The following MAPRE2 variants were observed in gnomAD, a reference collection of about 807,000 sequenced individuals.
The protein encoded by MAPRE2 is microtubule-associated protein RP/EB family member 2.
A neutral mutation model predicts 43.2 loss-of-function variants in MAPRE2; 13 were observed. The ratio of observed to expected loss-of-function variants is 0.30; its 90% CI spans 0.20 to 0.48. MAPRE2 has a LOEUF of 0.48. Among genes scored for constraint, MAPRE2 ranks in the 20% least tolerant of loss-of-function variants. The pLI is 0.99. For synonymous variants in MAPRE2, 135 were observed against 148.8 expected, an observed-to-expected ratio of 0.91 and a Z score of 0.68; for missense variants, 161 against 400.2, an observed-to-expected ratio of 0.40 and a Z score of 5.10.
At chr18:35,032,426 T>C (rs1358043230) in intron 2 of MAPRE2, among the ~76,000 whole-genome samples, 1 of 152,186 alleles carries the variant, frequency 6.6e-6, no homozygotes, top group Non-Finnish European at 1.5e-5. Flanking sequence ...TCATGTCTTC[T>C]CTGCTATCAT....
At chr18:35,050,206 A>G (rs556252433) in intron 1 of MAPRE2, among the ~76,000 whole-genome samples, 6 of 152,292 alleles carry the variant, frequency 3.9e-5, no homozygotes, top group African/African-American at 1.4e-4. Context: ...TGATGTTTCA[A>G]TTAGCCCTTT....
intron 3 of MAPRE2, among the ~76,000 whole-genome samples, chr18:35,099,442 C>T (rs966864173): frequency 1.3e-5 from 2 of 152,024 alleles, no homozygotes; most frequent in African/African-American, 4.8e-5. Context: ...TTGTGAGACC[C>T]CATCTCTACA....
At chr18:35,124,024 G>T (rs557106784) in intron 4 of MAPRE2, among the ~76,000 whole-genome samples, 2 of 152,292 alleles carry the variant, frequency 1.3e-5, no homozygotes, top group African/African-American at 4.8e-5. Context: ...TTGCTCAGAG[G>T]AGGTAGGGGA....
chr18:35,088,869 C>T (rs968989085), intron 2 of MAPRE2, among the ~76,000 whole-genome samples: 1 of 152,076 alleles, frequency 6.6e-6, no homozygotes, highest in African/African-American at 2.4e-5. Flanking sequence ...TGACCTTGAC[C>T]AGAACATGGT....
intron 4 of MAPRE2, among the ~76,000 whole-genome samples, chr18:35,121,593 CA>C (rs1374824930): frequency 3.3e-5 from 5 of 151,938 alleles, no homozygotes; most frequent in African/African-American, 1.2e-4. Context: ...TCCTCAAATG[CA>C]GCTTGAAAAA....
intron 4 of MAPRE2, among the ~76,000 whole-genome samples, chr18:35,114,341 G>A (rs1909313462): frequency 6.6e-6 from 1 of 152,124 alleles, no homozygotes; most frequent in Non-Finnish European, 1.5e-5. Flanking sequence ...GTTGTATTGC[G>A]ATGACATTTT....
chr18:35,091,548 A>G (rs1483733833), intron 2 of MAPRE2, among the ~76,000 whole-genome samples: 1 of 152,238 alleles, frequency 6.6e-6, no homozygotes, highest in Admixed American at 6.5e-5. Context: ...TTCTTCACAG[A>G]AAGAGAAAAA....
At chr18:35,024,238 A>T (rs1392830877) in intron 2 of MAPRE2, among the ~76,000 whole-genome samples, 1 of 152,150 alleles carries the variant, frequency 6.6e-6, no homozygotes, top group Non-Finnish European at 1.5e-5. Flanking sequence ...ATGAGCTGGG[A>T]TTTTTAGCAA....
At chr18:34,978,324 C>G (rs1195136758) in intron 1 of MAPRE2, 2 of 650,510 alleles carry the variant, frequency 3.1e-6, no homozygotes, top group Non-Finnish European at 2.7e-6. Flanking sequence ...CGCTCAAACC[C>G]GCGCCCGCGC....
chr18:35,016,258 A>C (rs552957636), intron 2 of MAPRE2, among the ~76,000 whole-genome samples: 1 of 152,110 alleles, frequency 6.6e-6, no homozygotes, highest in South Asian at 2.1e-4. Flanking sequence ...GCTGCAGTGA[A>C]AGTGCAAGTG....
intron 2 of MAPRE2, among the ~76,000 whole-genome samples, chr18:35,031,919 G>A (rs906723621): frequency 1.3e-5 from 2 of 152,098 alleles, no homozygotes; most frequent in Non-Finnish European, 2.9e-5. Context: ...GGAGGTATTT[G>A]CATGTCATGG....
intron 1 of MAPRE2, among the ~76,000 whole-genome samples, chr18:34,990,897 T>C (rs1307162317): frequency 6.6e-6 from 1 of 152,166 alleles, no homozygotes; most frequent in East Asian, 1.9e-4. Context: ...AACTGAACTA[T>C]AGGGAGCTTT....
intron 2 of MAPRE2, among the ~76,000 whole-genome samples, chr18:35,024,914 A>AG (rs910531269): frequency 2.0e-5 from 3 of 152,170 alleles, no homozygotes; most frequent in African/African-American, 7.2e-5. Context: ...AGGGTGAGTG[A>AG]GAAAAATATA....
chr18:35,132,263 C>A, intron 6 of MAPRE2, 73 bp downstream of exon 6: 1 of 1,380,928 alleles, frequency 7.2e-7, no homozygotes, highest in Non-Finnish European at 1.0e-6. Flanking sequence ...GATCAGCACT[C>A]CTTAGAATAC....
At chr18:35,080,363 C>G (rs1391101956) in intron 2 of MAPRE2, among the ~76,000 whole-genome samples, 1 of 152,204 alleles carries the variant, frequency 6.6e-6, no homozygotes, top group African/African-American at 2.4e-5. Flanking sequence ...GGACCTATCC[C>G]TTTACTACCA....
chr18:34,983,703 C>T (rs2097017547), intron 1 of MAPRE2, among the ~76,000 whole-genome samples: 1 of 152,154 alleles, frequency 6.6e-6, no homozygotes, highest in Non-Finnish European at 1.5e-5. Context: ...TGTCTTGGCT[C>T]ACTGCAACCT....
intron 2 of MAPRE2, among the ~76,000 whole-genome samples, chr18:35,008,935 G>A (rs912647961): frequency 1.3e-5 from 2 of 151,126 alleles, no homozygotes; most frequent in African/African-American, 4.8e-5. Flanking sequence ...AAAGCACTGT[G>A]CTGAGTGTTT....
upstream of MAPRE2, among the ~76,000 whole-genome samples, chr18:35,039,203 G>T (rs1473452373): frequency 6.6e-6 from 1 of 152,236 alleles, no homozygotes; most frequent in South Asian, 2.1e-4. Context: ...TATTTGATTT[G>T]TAGACTGTGC....
chr18:35,117,146 G>A (rs1909448248), intron 4 of MAPRE2, among the ~76,000 whole-genome samples: 1 of 152,202 alleles, frequency 6.6e-6, no homozygotes, highest in Non-Finnish European at 1.5e-5. Context: ...GTTATGGGAA[G>A]TAAAGCAGAG....
Sources: allele counts gnomAD v4.1 joint callset (sites outside exome capture counted in the v4.1 genomes callset), GRCh38; gene constraint gnomAD v4.1.1; transcripts MANE v1.5; gene names NCBI Gene and HGNC (gene_info 2026-07-23, HGNC 2026-07-21).